AKAP8: variants seen among roughly 807,000 people sequenced by gnomAD.
AKAP8 encodes A-kinase anchoring protein 8, also known as A-kinase anchor protein 8.
AKAP8 carries 24 observed loss-of-function variants against 67.5 expected under a neutral mutation model. That is an observed-to-expected ratio of 0.36 (90% confidence interval 0.26 to 0.50). AKAP8 has a LOEUF of 0.50. Among genes scored for constraint, AKAP8 ranks in the 20% least tolerant of loss-of-function variants. The pLI, the probability that AKAP8 is intolerant of heterozygous loss-of-function variation, is 0.97. For synonymous variants in AKAP8, 400 were observed against 371.1 expected (o/e 1.08, Z -0.90); for missense variants, 971 against 955.9 (o/e 1.02, Z -0.21).
At chr19:15,370,211 G>A in intron 7 of AKAP8, 32 bp from the exon 8 acceptor site, 3 of 1,613,616 alleles carry the variant, frequency 1.9e-6, no homozygotes, top group African/African-American at 1.3e-5. Context: ...GTCCGGCAGT[G>A]AGCTGGTGTG....
rs916180271 is a variant in AKAP8, at chr19:15,372,992, G to C, written c.720C>G (p.Pro240=). ...VGGRGLGGPS[P]SRPPPSLFSQ... ...AGAAGAGGGACGGAGGTGGCCGGCTGGGGGAGGGCCCTCCCAGGCCCCGTC... is the reference window on the plus strand; with the variant it reads ...AGAAGAGGGACGGAGGTGGCCGGCTCGGGGAGGGCCCTCCCAGGCCCCGTC... Residue 240 remains proline (P), a synonymous_variant, in exon 5 of 14, where the codon CCC becomes CCG. Coordinates refer to ENST00000269701, the MANE Select transcript of AKAP8 (RefSeq NM_005858.4). 6.4e-7 allele frequency: 1 copy of C among 1,566,264 alleles called. No individual in the cohort carries two copies. Among genetic ancestry groups the C allele is most frequent in the Non-Finnish European group, 8.7e-7 (1 of 1,155,312 alleles).
intron 9 of AKAP8, among the ~76,000 whole-genome samples, chr19:15,366,370 A>C (rs1967070701): frequency 6.6e-6 from 1 of 151,884 alleles, no homozygotes; most frequent in African/African-American, 2.4e-5. Context: ...AAAGTCATCT[A>C]CTCTATCCAT....
rs978900886 is a variant in AKAP8 at position 15,355,231 on chromosome 19, G to A, written c.1763C>T (p.Ala588Val). ...LAEVITAAVR[A>V]VDGEGAPAPE... ...AGCGGGCGCTCCTTCCCCATCTACGGCCCTCACTGCTGCTGTAATCACCTC... is the reference window on the plus strand; with the variant it reads ...AGCGGGCGCTCCTTCCCCATCTACGACCCTCACTGCTGCTGTAATCACCTC... The change falls in exon 14 of 14, where the codon GCC becomes GTC. Residue 588 changes from alanine (A) to valine (V), a missense_variant. By Grantham distance (64) the Ala-to-Val change is moderately conservative. Coordinates refer to ENST00000269701, the MANE Select transcript of AKAP8 (RefSeq NM_005858.4). The A allele has an allele frequency of 5.0e-6, 8 of 1,611,290 alleles. No individual in the cohort carries two copies. The African/African-American group carries it at 1.1e-4, about 22-fold the overall frequency.
In AKAP8 at chr19:15,373,299, G is replaced by A. The variant is rs747522574; in HGVS notation, c.413C>T (p.Pro138Leu). Residue 138 changes from proline (P) to leucine (L), a missense_variant, in exon 5 of 14, where the codon CCC becomes CTC. Physicochemically the swap from Pro to Leu is moderately conservative, Grantham distance 98. Coordinates refer to ENST00000269701, the MANE Select transcript of AKAP8 (RefSeq NM_005858.4). ...FQPFESYDSR[P>L]CLPEHNPYRP... ...GTAGGGGTTGTGCTCCGGCAGGCAG[G>A]GCCTGGAGTCATAGGACTCGAACGG... is the stretch of plus-strand genomic sequence containing the variant. The A allele has an allele frequency of 6.2e-7, 1 of 1,613,324 alleles. No homozygotes were observed. The highest frequency in any genetic ancestry group is 1.7e-5 in the Admixed American group (1 of 59,976).
Position 15,373,028 on chromosome 19 carries a change from G to C in AKAP8, c.684C>G (p.Asn228Lys), listed in dbSNP as rs1173015735. The C allele has an allele frequency of 4.4e-6, 7 of 1,592,732 alleles. No homozygotes were observed. The highest frequency in any genetic ancestry group is 5.1e-6 in the Non-Finnish European group (6 of 1,167,432). ...EPLSTPWNEL[N>K]YVGGRGLGGP... ...CTCCCAGGCCCCGTCCACCCACGTA[G>C]TTCAGCTCGTTCCAGGGCGTGGACA... is the stretch of plus-strand genomic sequence containing the variant. The change falls in exon 5 of 14, where the codon AAC becomes AAG. Residue 228 changes from asparagine to lysine, a missense_variant. By Grantham distance (94) the Asn-to-Lys change is moderately conservative (BLOSUM62 0). Coordinates refer to ENST00000269701, the MANE Select transcript of AKAP8 (RefSeq NM_005858.4).
rs750990655 is a variant in AKAP8 at position 15,372,037 on chromosome 19, A to T, written c.992-39T>A. On this transcript the variant is annotated intron_variant, in intron 6 of 13. Coordinates refer to ENST00000269701, the MANE Select transcript of AKAP8 (RefSeq NM_005858.4). ...AGAAAGGAAAAGTCAGTCCCCGGAG[A>T]ACGGTCCCATCCGGTTTCCGCCCTC... 3.5e-5 allele frequency: 57 copies of T among 1,613,330 alleles called. No homozygotes were observed. The South Asian group carries it at 4.5e-4, about 13-fold the overall frequency.
chr19:15,366,086 C>CT (rs375441663), intron 9 of AKAP8, among the ~76,000 whole-genome samples: 66,416 of 91,940 alleles, frequency 0.72, 23,788 homozygotes, highest in East Asian at 0.97. Flanking sequence ...CTGAAGGTTT[C>CT]TTTTTTTTTT....
intron 1 of AKAP8, chr19:15,379,254 C>T (rs992054671): frequency 3.1e-5 from 5 of 160,934 alleles, no homozygotes; most frequent in Admixed American, 6.5e-5. Flanking sequence ...CCCCGCGGTC[C>T]GCCCGCGGCC....
intron 4 of AKAP8, 137 bp downstream of exon 4, chr19:15,373,644 ACCCCC>A (rs770566526): frequency 8.2e-6 from 9 of 1,095,138 alleles, no homozygotes; most frequent in Non-Finnish European, 1.1e-5. Flanking sequence ...AACATCACTG[ACCCCC>A]CACGAGCCCA....
At chr19:15,379,337 T>A (rs1289691127) in intron 1 of AKAP8, 1 of 249,976 alleles carries the variant, frequency 4.0e-6, no homozygotes, top group East Asian at 8.4e-5. Context: ...CGCCATTTTG[T>A]GGCGTCTTCG....
chr19:15,366,154 G>GAAAAAAAAAAAAAAAAAAAAA (rs374068497), intron 9 of AKAP8, among the ~76,000 whole-genome samples: 5 of 95,032 alleles, frequency 5.3e-5, no homozygotes, highest in South Asian at 3.7e-4. Context: ...AAAGCAAAAA[G>GAAAAAAAAAAAAAAAAAAAAA]AAAAAAAAAA....
intron 8 of AKAP8, chr19:15,368,597 C>A: frequency 1.0e-6 from 1 of 985,324 alleles, no homozygotes; most frequent in Non-Finnish European, 1.2e-6. Context: ...ATGTGCACCA[C>A]AGCCCCCTGC....
Position 15,364,571 on chromosome 19 carries a change from G to A in AKAP8, c.1161-2320C>T, listed in dbSNP as rs139146961. Among the ~76,000 whole-genome samples, 1,190 of 152,120 alleles carry A rather than the reference G, an allele frequency of 7.8e-3. 11 individuals carry two copies. Among genetic ancestry groups the A allele is most frequent in the Middle Eastern group, 0.024 (7 of 294 alleles). Reference sequence around the variant, plus strand: ...TCACCATGGTGGCTAGGTTGGTCTCGAACTCCTGACCTCGTGATTGACCCA... The same window carrying A: ...TCACCATGGTGGCTAGGTTGGTCTCAAACTCCTGACCTCGTGATTGACCCA... On this transcript the variant is annotated intron_variant, in intron 9 of 13. Transcript: ENST00000269701.
At chr19:15,371,489 A>T (rs1967156758) in intron 7 of AKAP8, among the ~76,000 whole-genome samples, 1 of 151,654 alleles carries the variant, frequency 6.6e-6, no homozygotes, top group Non-Finnish European at 1.5e-5. Context: ...GTAAGTTGAA[A>T]ACTTTTTTTT....
chr19:15,373,205 C>T lies in AKAP8; in HGVS notation c.507G>A (p.Gln169=), dbSNP rs752392402. 11 of 1,613,732 alleles carry T rather than the reference C, an allele frequency of 6.8e-6. No homozygotes were observed. In the South Asian group the frequency reaches 1.1e-4, roughly 16 times the overall value. The change falls in exon 5 of 14, where the codon CAG becomes CAA. Residue 169 remains glutamine (Q), a synonymous_variant. Transcript: ENST00000269701. The part of the protein sequence containing the change: ...GSDRNGSFGG[Q]YSECRDPARE... ...GGGCTGGGTCTCGGCATTCACTGTACTGCCCCCCAAAGCTGCCATTGCGGT... is the reference window on the plus strand; with the variant it reads ...GGGCTGGGTCTCGGCATTCACTGTATTGCCCCCCAAAGCTGCCATTGCGGT...
intron 9 of AKAP8, among the ~76,000 whole-genome samples, chr19:15,363,381 A>C (rs2145068458): frequency 8.0e-6 from 1 of 124,662 alleles, no homozygotes; most frequent in African/African-American, 3.1e-5. Flanking sequence ...CCGCCCGGCC[A>C]GCCGCCCCGT....
chr19:15,374,320 G>T (rs994178454), intron 3 of AKAP8, among the ~76,000 whole-genome samples: 1 of 152,208 alleles, frequency 6.6e-6, no homozygotes, highest in African/African-American at 2.4e-5. Context: ...TCAAAGCCGG[G>T]TGACTGAGAG....
chr19:15,379,541 C>T (rs1204725480), intron 1 of AKAP8, 172 bp downstream of exon 1: 2 of 631,328 alleles, frequency 3.2e-6, no homozygotes, highest in Non-Finnish European at 4.9e-6. Flanking sequence ...CCGGGAGCGA[C>T]GGCGCCAAAG....
rs912102092 is a variant in AKAP8 at position 15,373,403 on chromosome 19, A to G, written c.372-63T>C. 22 of 1,520,356 alleles carry G rather than the reference A, an allele frequency of 1.4e-5. No individual in the cohort carries two copies. In the Admixed American group the frequency reaches 4.5e-4, roughly 31 times the overall value. 94.2% of individuals were successfully genotyped at this position (1,520,356 alleles called of 1,614,324 possible). A position where few individuals can be genotyped will look rare whatever the true frequency, so the allele number is the denominator to read the frequency against. On this transcript the variant is annotated intron_variant, in intron 4 of 13. Coordinates refer to ENST00000269701, the MANE Select transcript of AKAP8 (RefSeq NM_005858.4). ...CGATCACCCACTGCCACACTCCCTC[A>G]GTATAACCTCGACGCCCCTACATTC...
Sources: allele counts gnomAD v4.1 joint callset (sites outside exome capture counted in the v4.1 genomes callset), GRCh38; gene constraint gnomAD v4.1.1; transcripts MANE v1.5; gene names NCBI Gene and HGNC (gene_info 2026-07-23, HGNC 2026-07-21).